The following PPP2R3C variants were observed in gnomAD, a reference collection of about 807,000 sequenced individuals.
PPP2R3C encodes the protein protein phosphatase 2 regulatory subunit B''gamma.
PPP2R3C carries 47 observed loss-of-function variants against 63.7 expected under a neutral mutation model. That is an observed-to-expected ratio of 0.74 (90% CI 0.58 to 0.94). The LOEUF (loss-of-function observed/expected upper bound fraction) is 0.94. Ranked by LOEUF, PPP2R3C falls within the 40% of genes least tolerant of loss-of-function variation. PPP2R3C has a pLI of 0.00. For synonymous variants in PPP2R3C, 180 were observed against 177.4 expected (o/e 1.01, Z -0.12); for missense variants, 421 against 518.4 (o/e 0.81, Z 1.82).
At chr14:35,111,216 A>G (rs2046547989) in intron 2 of PPP2R3C, among the ~76,000 whole-genome samples, 1 of 145,834 alleles carries the variant, frequency 6.9e-6, no homozygotes, top group African/African-American at 2.6e-5. Flanking sequence ...GCCTGGCAAC[A>G]GAGCGAGACT....
chr14:35,087,641 C>T (rs2138594275), intron 12 of PPP2R3C: 1 of 281,068 alleles, frequency 3.6e-6, no homozygotes, highest in Non-Finnish European at 6.9e-6. Context: ...CTCGGATGAT[C>T]CGCCCGCCTC....
chr14:35,111,741 CCT>C (rs1196373235), intron 2 of PPP2R3C, among the ~76,000 whole-genome samples: 4 of 152,326 alleles, frequency 2.6e-5, no homozygotes, highest in African/African-American at 9.6e-5. Context: ...ACCAGCCACT[CCT>C]CTGTGGCCCC....
In PPP2R3C at chr14:35,121,843, C is replaced by G. The variant is rs45508403; in HGVS notation, c.58+59G>C. The G allele has an allele frequency of 1.4e-3, 2,182 of 1,584,116 alleles. 4 individuals carry two copies. The highest frequency in any genetic ancestry group is 1.8e-3 in the Non-Finnish European group (2,028 of 1,155,912). On this transcript the variant is annotated intron_variant, in intron 1 of 12. Transcript: ENST00000261475. ...CCTTGCTCCTCCTCCCCACCTCCCC[C>G]CTACCTCTAGGAGTTTAGGGCCGGG...
chr14:35,108,519 T>C (rs2046434603), intron 4 of PPP2R3C, among the ~76,000 whole-genome samples: 1 of 151,946 alleles, frequency 6.6e-6, no homozygotes, highest in South Asian at 2.1e-4. Flanking sequence ...TTGGCCAACA[T>C]GGTGAAACCC....
At chr14:35,098,418 T>C (rs1212153804) in intron 7 of PPP2R3C, among the ~76,000 whole-genome samples, 1 of 144,954 alleles carries the variant, frequency 6.9e-6, no homozygotes, top group Non-Finnish European at 1.5e-5. Flanking sequence ...AATAACGCGA[T>C]CTCGGCTCAC....
At chr14:35,120,275 G>C (rs1391944297) in intron 1 of PPP2R3C, among the ~76,000 whole-genome samples, 1 of 150,928 alleles carries the variant, frequency 6.6e-6, no homozygotes, top group African/African-American at 2.4e-5. Context: ...ACTGAGTGTC[G>C]CTCGGTCGCC....
At chr14:35,121,027 G>A (rs955405352) in intron 1 of PPP2R3C, among the ~76,000 whole-genome samples, 4 of 152,090 alleles carry the variant, frequency 2.6e-5, no homozygotes, top group Non-Finnish European at 5.9e-5. Flanking sequence ...GAACGTCCAG[G>A]AAAACACGGT....
intron 7 of PPP2R3C, 59 bp from the exon 8 acceptor site, chr14:35,096,823 AT>A (rs1430278209): frequency 6.2e-6 from 9 of 1,442,768 alleles, no homozygotes; most frequent in Admixed American, 2.7e-5. Flanking sequence ...AACTCAATTA[AT>A]TAAAAAAAAA....
chr14:35,090,340 C>G (rs56363117), intron 11 of PPP2R3C, among the ~76,000 whole-genome samples: 15,692 of 145,898 alleles, frequency 0.11, 1,044 homozygotes, highest in African/African-American at 0.19. Flanking sequence ...CTCCTGGGTT[C>G]AAGTGATTCT....
intron 1 of PPP2R3C, chr14:35,117,127 C>A (rs754982095): frequency 6.6e-6 from 3 of 455,872 alleles, no homozygotes; most frequent in Non-Finnish European, 8.8e-6. Context: ...CAAGACAGCC[C>A]CAGCCCCTGA....
rs994087968 is a variant in PPP2R3C at position 35,095,071 on chromosome 14, A to T, written c.952T>A (p.Cys318Ser). The T allele has an allele frequency of 1.2e-6, 2 of 1,607,668 alleles. No homozygotes were observed. ...ACCATTTCTCCATCATAAGTGAGAC[A>T]CTCCTGGAAAACACGGTCTAAGAAG... ...NVFLDRVFQECLTYDGEMDYK... is the reference protein window; with the variant it reads ...NVFLDRVFQESLTYDGEMDYK... The change falls in exon 10 of 13, where the codon TGT becomes AGT. Residue 318 changes from cysteine (C) to serine (S), a missense_variant. Around this residue, in one of 3 missense-constraint regions of PPP2R3C, gnomAD observed 231 missense variants for 264.8 expected, o/e 0.87. Coordinates refer to ENST00000261475, the MANE Select transcript of PPP2R3C (RefSeq NM_017917.4).
intron 9 of PPP2R3C, among the ~76,000 whole-genome samples, chr14:35,095,681 A>G (rs11622699): frequency 6.7e-6 from 1 of 150,072 alleles, no homozygotes; most frequent in Non-Finnish European, 1.5e-5. Context: ...TACTAAAAAA[A>G]AAAACAAAAA....
chr14:35,111,666 G>A (rs2046564107), intron 2 of PPP2R3C, among the ~76,000 whole-genome samples: 1 of 152,172 alleles, frequency 6.6e-6, no homozygotes, highest in African/African-American at 2.4e-5. Flanking sequence ...GTAGTACACA[G>A]GACTGGCCTT....
chr14:35,097,894 G>A (rs1244341780), intron 7 of PPP2R3C, among the ~76,000 whole-genome samples: 1 of 152,084 alleles, frequency 6.6e-6, no homozygotes, highest in African/African-American at 2.4e-5. Context: ...TTACAGGTGT[G>A]AGCCACCACA....
chr14:35,119,848 TC>T (rs2046812709), intron 1 of PPP2R3C, among the ~76,000 whole-genome samples: 2 of 88,370 alleles, frequency 2.3e-5, no homozygotes, highest in African/African-American at 7.9e-5. Context: ...GGACAGTTCA[TC>T]TTTTTTTTTT....
At chr14:35,119,091 G>A (rs1192048820) in intron 1 of PPP2R3C, among the ~76,000 whole-genome samples, 4 of 150,388 alleles carry the variant, frequency 2.7e-5, no homozygotes, top group East Asian at 2.0e-4. Context: ...AGGCTGGAGA[G>A]CAGTGTCGTA....
rs1031928289 is a variant in PPP2R3C, at chr14:35,085,609, G to A, written c.1343C>T (p.Ala448Val). ...ALVANDSENS[A>V]DLDDT is the part of the protein sequence containing the mutation. The stretch of plus-strand genomic sequence containing the variant: ...CAGAGATCATGTATCATCAAGGTCT[G>A]CAGAGTTTTCACTGTCATTTGCAAC... Residue 448 changes from alanine to valine, a missense_variant, in exon 13 of 13, where the codon GCA becomes GTA. Transcript: ENST00000261475. The A allele has an allele frequency of 1.9e-6, 3 of 1,610,430 alleles. No homozygotes were observed.
intron 7 of PPP2R3C, chr14:35,098,816 T>C (rs2046092603): frequency 6.4e-6 from 1 of 156,660 alleles, no homozygotes; most frequent in African/African-American, 2.4e-5. Flanking sequence ...TTATAGAGAA[T>C]AAGAAAAATA....
At chr14:35,100,685 T>G (rs191679034) in intron 6 of PPP2R3C, 1 of 152,262 alleles carries the variant, frequency 6.6e-6, no homozygotes, top group African/African-American at 2.4e-5. Context: ...GCTGCTGGAG[T>G]GCAGTAGCAT....
Sources: gnomAD v4.1 joint callset for allele counts (sites outside exome capture counted in the v4.1 genomes callset) on GRCh38, gnomAD v4.1.1 for gene constraint, gnomAD v4.1.1 regional missense constraint, MANE v1.5 for transcripts, NCBI Gene and HGNC (gene_info 2026-07-23, HGNC 2026-07-21) for gene names.